DCUN1D2: variants seen among roughly 807,000 people sequenced by gnomAD.
DCUN1D2 encodes the protein defective in cullin neddylation 1 domain containing 2, also known as DCN1-like protein 2.
Under a neutral mutation model 30.9 loss-of-function variants are expected in DCUN1D2, and 29 were observed. The ratio of observed to expected loss-of-function variants is 0.94; its 90% confidence interval spans 0.70 to 1.28. The LOEUF (loss-of-function observed/expected upper bound fraction) is 1.28. Ranked by LOEUF, DCUN1D2 falls within the 50% of genes most tolerant of loss-of-function variation. The probability of loss-of-function intolerance (pLI) is 0.00; values close to 1 mark genes in which losing one functional copy is unlikely to be tolerated. For missense variants in DCUN1D2, 325 were observed against 316.9 expected (o/e 1.03, Z -0.19); for synonymous variants, 121 against 115.3 (o/e 1.05, Z -0.32).
intron 4 of DCUN1D2, among the ~76,000 whole-genome samples, chr13:113,463,814 A>G (rs2044358599): frequency 1.3e-5 from 2 of 152,118 alleles, no homozygotes; most frequent in African/African-American, 2.4e-5. Flanking sequence ...ATAAACAGAC[A>G]CAAACACACA....
rs1033394834 is a variant in DCUN1D2, at chr13:113,490,599, C to T, written c.3+68G>A. ...CGGCCTCCCACATCCAGCGCGCCGC[C>T]TGCGCCGACCTTGGGGCCCGACCCC... On this transcript the variant is annotated intron_variant, in intron 1 of 6. Coordinates refer to ENST00000478244, the MANE Select transcript of DCUN1D2 (RefSeq NM_001014283.2). The surrounding 1 kb of genome is among the most constrained non-coding windows in gnomAD (Gnocchi z 5.2). 6 of 1,207,612 alleles carry T rather than the reference C, an allele frequency of 5.0e-6. No individual in the cohort carries two copies. In the African/African-American group the frequency reaches 9.6e-5, roughly 19 times the overall value. The allele number at this position is 1,207,612 out of a possible 1,614,324, so 74.8% of individuals were successfully genotyped here. A position where few individuals can be genotyped will look rare whatever the true frequency, so the allele number is the denominator to read the frequency against.
chr13:113,456,297 CCT>C lies in DCUN1D2; in HGVS notation c.*1730_*1731del, dbSNP rs1435111455. 7.5e-6 allele frequency: 3 copies of C among 398,634 alleles called. No individual in the cohort carries two copies. Among genetic ancestry groups the C allele is most frequent in the Non-Finnish European group, 4.4e-6 (1 of 226,156 alleles). The allele number at this position is 398,634 out of a possible 1,614,324, so 24.7% of individuals were successfully genotyped here. A position where few individuals can be genotyped will look rare whatever the true frequency, so the allele number is the denominator to read the frequency against. On this transcript the variant is annotated 3_prime_UTR_variant, in exon 7 of 7. Coordinates refer to ENST00000478244, the MANE Select transcript of DCUN1D2 (RefSeq NM_001014283.2). ...AGGCGGGGTCTGCAGGCTGCAGGTC[CCT>C]TCCAGTCCTGTCCCTGCTGCCCTCT...
intron 1 of DCUN1D2, among the ~76,000 whole-genome samples, chr13:113,486,181 G>A (rs764086248): frequency 4.0e-5 from 6 of 151,228 alleles, no homozygotes; most frequent in Non-Finnish European, 5.9e-5. Context: ...AAAAAGGACC[G>A]AGATTGTGTC....
chr13:113,463,989 AC>A (rs1237725184), intron 4 of DCUN1D2, among the ~76,000 whole-genome samples: 1 of 152,208 alleles, frequency 6.6e-6, no homozygotes. Flanking sequence ...GAAATGGTAA[AC>A]TGACGGCTCT....
intron 4 of DCUN1D2, among the ~76,000 whole-genome samples, chr13:113,472,126 G>A (rs1270128194): frequency 6.6e-6 from 1 of 151,874 alleles, no homozygotes; most frequent in African/African-American, 2.4e-5. Flanking sequence ...TGTGCCGTGT[G>A]GGATTGGGCT....
chr13:113,490,329 C>G lies in DCUN1D2; in HGVS notation c.3+338G>C. The G allele has an allele frequency of 4.2e-6, 1 of 240,854 alleles. No individual in the cohort carries two copies. Among genetic ancestry groups the G allele is most frequent in the Non-Finnish European group, 7.9e-6 (1 of 125,910 alleles). The allele number at this position is 240,854 out of a possible 1,614,324, so 14.9% of individuals were successfully genotyped here. ...CGAGCCCTCGCCCGCCTCGACTGCC[C>G]GTTTCGAAGCCGCCCTGGGAAGCCC... On this transcript the variant is annotated intron_variant, in intron 1 of 6. Coordinates refer to ENST00000478244, the MANE Select transcript of DCUN1D2 (RefSeq NM_001014283.2). The surrounding 1 kb of genome is among the most constrained non-coding windows in gnomAD (Gnocchi z 5.2).
chr13:113,489,468 C>T (rs2044880939), intron 1 of DCUN1D2, among the ~76,000 whole-genome samples: 2 of 152,216 alleles, frequency 1.3e-5, no homozygotes, highest in African/African-American at 4.8e-5. Flanking sequence ...TTCAGCACTG[C>T]TGATGGCTCC....
chr13:113,487,415 CATGG>C lies in DCUN1D2; in HGVS notation c.3+3248_3+3251del, dbSNP rs566955876. On this transcript the variant is annotated intron_variant, in intron 1 of 6. Transcript: ENST00000478244. ...AGGAATGAAGTATTGATACATGCCA[CATGG>C]ATGAACTTTTGACACTGAGTAAAAG... Among the ~76,000 whole-genome samples, 256 of 152,326 alleles carry C rather than the reference CATGG, an allele frequency of 1.7e-3. 1 individual carries two copies. Among genetic ancestry groups the C allele is most frequent in the African/African-American group, 5.8e-3 (241 of 41,566 alleles).
Position 113,490,296 on chromosome 13 carries a change from G to A in DCUN1D2, c.3+371C>T, listed in dbSNP as rs1005495381. The A allele has an allele frequency of 3.0e-5, 6 of 203,312 alleles. No homozygotes were observed. The highest frequency in any genetic ancestry group is 4.9e-5 in the Non-Finnish European group (5 of 101,590). 12.6% of individuals were successfully genotyped at this position (203,312 alleles called of 1,614,324 possible). On this transcript the variant is annotated intron_variant, in intron 1 of 6. Transcript: ENST00000478244. The surrounding 1 kb of genome is among the most constrained non-coding windows in gnomAD (Gnocchi z 5.2). ...CTCAGCATCTGCACAGACGCCCGCA[G>A]GAGCAGCCGAGCCCTCGCCCGCCTC...
chr13:113,482,176 G>A (rs2044722280), intron 2 of DCUN1D2, among the ~76,000 whole-genome samples: 1 of 152,188 alleles, frequency 6.6e-6, no homozygotes, highest in Non-Finnish European at 1.5e-5. Context: ...CATAACCAAT[G>A]TTATATTTGT....
At chr13:113,490,894 C>A, upstream of DCUN1D2, 1 of 261,222 alleles carries the variant, frequency 3.8e-6, no homozygotes, top group Admixed American at 5.6e-5. The surrounding 1 kb of genome is among the most constrained non-coding windows in gnomAD (Gnocchi z 5.2). Flanking sequence ...CTTGGCTCGC[C>A]CCTGCGGGGT....
At chr13:113,475,375 A>T (rs985999549) in intron 3 of DCUN1D2, 1 of 152,298 alleles carries the variant, frequency 6.6e-6, no homozygotes, top group South Asian at 2.1e-4. Flanking sequence ...AGAACTGAGG[A>T]CAGTCACCTG....
Position 113,488,781 on chromosome 13 carries a change from T to C in DCUN1D2, c.3+1886A>G, listed in dbSNP as rs556987241. 6.6e-6 allele frequency among the ~76,000 whole-genome samples: 1 copy of C among 152,288 alleles called. No individual in the cohort carries two copies. Among genetic ancestry groups the C allele is most frequent in the East Asian group, 1.9e-4 (1 of 5,186 alleles). On this transcript the variant is annotated intron_variant, in intron 1 of 6. Coordinates refer to ENST00000478244, the MANE Select transcript of DCUN1D2 (RefSeq NM_001014283.2). The surrounding 1 kb of genome is among the most constrained non-coding windows in gnomAD (Gnocchi z 4.3). ...CTGGAACTAGGGCCGCCCTTCAAGC[T>C]CACAACCTTCACTGAGGCTTACCAC... is the stretch of plus-strand genomic sequence containing the variant.
At chr13:113,462,407 A>G (rs7993231) in intron 4 of DCUN1D2, among the ~76,000 whole-genome samples, 1 of 152,034 alleles carries the variant, frequency 6.6e-6, no homozygotes, top group Non-Finnish European at 1.5e-5. Context: ...GATTAATAAA[A>G]GTTAGGTAAT....
rs2044952574 is a variant in DCUN1D2, at chr13:113,490,653, GCCGGGCCA to G, written c.3+6_3+13del. ...CCCGACCCCGACGGGCAGAGGCGACGCCGGGCCACCTACCATCTCCCCCGCGCCGCCCG... is the reference window on the plus strand; with the variant it reads ...CCCGACCCCGACGGGCAGAGGCGACGCCTACCATCTCCCCCGCGCCGCCCG... On this transcript the variant is annotated splice_donor_region_variant and intron_variant, in intron 1 of 6. Transcript: ENST00000478244. This position sits in a 1 kb window ranked among gnomAD's most constrained non-coding sequence, Gnocchi z 5.2. 1 of 1,245,668 alleles carries G rather than the reference GCCGGGCCA, an allele frequency of 8.0e-7. No individual in the cohort carries two copies. The highest frequency in any genetic ancestry group is 1.6e-5 in the African/African-American group (1 of 63,284). 77.2% of individuals were successfully genotyped at this position (1,245,668 alleles called of 1,614,324 possible). A position where few individuals can be genotyped will look rare whatever the true frequency, so the allele number is the denominator to read the frequency against.
At chr13:113,466,571 T>A (rs1279571370) in intron 4 of DCUN1D2, among the ~76,000 whole-genome samples, 1 of 152,126 alleles carries the variant, frequency 6.6e-6, no homozygotes, top group Non-Finnish European at 1.5e-5. Context: ...CTGCCCCGAG[T>A]GTGGAAACTA....
chr13:113,469,309 GA>G (rs1240006799), intron 4 of DCUN1D2, among the ~76,000 whole-genome samples: 1 of 152,100 alleles, frequency 6.6e-6, no homozygotes, highest in Non-Finnish European at 1.5e-5. Flanking sequence ...GCTATCCTGA[GA>G]AAAAAGATAC....
intron 4 of DCUN1D2, among the ~76,000 whole-genome samples, chr13:113,472,816 A>C (rs531639187): frequency 6.6e-6 from 1 of 152,334 alleles, no homozygotes; most frequent in Admixed American, 6.5e-5. Flanking sequence ...CTGTCACCCA[A>C]GAGGCAAAGC....
chr13:113,470,636 C>T (rs2139700457), intron 4 of DCUN1D2, among the ~76,000 whole-genome samples: 1 of 151,156 alleles, frequency 6.6e-6, no homozygotes, highest in African/African-American at 2.4e-5. Context: ...ACAAGGGACC[C>T]AACTCCACAG....
Sources: allele counts gnomAD v4.1 joint callset (sites outside exome capture counted in the v4.1 genomes callset), GRCh38; gene constraint gnomAD v4.1.1; non-coding constraint Gnocchi (gnomAD v3.1); transcripts MANE v1.5; gene names NCBI Gene and HGNC (gene_info 2026-07-23, HGNC 2026-07-21).